Variants in DLG2 observed in about 807,000 individuals in gnomAD.
DLG2 encodes discs large MAGUK scaffold protein 2, also known as disks large homolog 2.
DLG2 carries 45 observed loss-of-function variants against 132.5 expected under a neutral mutation model. The observed-to-expected ratio is 0.34, with a 90% CI of 0.27 to 0.44. DLG2 has a LOEUF of 0.44. Among genes scored for constraint, DLG2 ranks in the 20% least tolerant of loss-of-function variants. DLG2 has a pLI of 1.00. For synonymous variants in DLG2, 424 were observed against 419.6 expected (o/e 1.01, Z -0.13); for missense variants, 1,045 against 1,196.9 (o/e 0.87, Z 1.87).
chr11:83,753,904 TTC>T (rs2093532718), intron 18 of DLG2, among the ~76,000 whole-genome samples: 1 of 126,048 alleles, frequency 7.9e-6, no homozygotes, highest in African/African-American at 3.3e-5. Context: ...ATATATATAT[TTC>T]ATATATATTT....
intron 6 of DLG2, among the ~76,000 whole-genome samples, chr11:84,894,757 C>T (rs1341826346): frequency 6.6e-6 from 1 of 152,114 alleles, no homozygotes; most frequent in Non-Finnish European, 1.5e-5. Context: ...CTAGTGCCTA[C>T]TGGGATAGAG....
At chr11:84,676,792 T>C (rs949558735) in intron 6 of DLG2, among the ~76,000 whole-genome samples, 1 of 151,950 alleles carries the variant, frequency 6.6e-6, no homozygotes, top group African/African-American at 2.4e-5. Context: ...TATACTGTAA[T>C]ATGTGCTCAA....
intron 19 of DLG2, among the ~76,000 whole-genome samples, chr11:83,618,553 TAG>T (rs2061177227): frequency 6.6e-6 from 1 of 152,148 alleles, no homozygotes; most frequent in African/African-American, 2.4e-5. Context: ...AGCGGAGGCC[TAG>T]AGGGAGAAGA....
At chr11:84,904,145 G>A (rs1431147178) in intron 6 of DLG2, among the ~76,000 whole-genome samples, 1 of 152,066 alleles carries the variant, frequency 6.6e-6, no homozygotes, top group Non-Finnish European at 1.5e-5. Flanking sequence ...CTTGATAAGA[G>A]TATAGAAATC....
At chr11:85,599,271 C>T (rs2079987197) in intron 2 of DLG2, among the ~76,000 whole-genome samples, 1 of 152,096 alleles carries the variant, frequency 6.6e-6, no homozygotes, top group Non-Finnish European at 1.5e-5. Context: ...TTCCTCTACA[C>T]GCATGCATGC....
intron 6 of DLG2, among the ~76,000 whole-genome samples, chr11:84,934,864 A>T (rs769924163): frequency 1.3e-5 from 2 of 151,294 alleles, no homozygotes; most frequent in Non-Finnish European, 2.9e-5. Flanking sequence ...TCTTATTATC[A>T]CTTCTGTGAT....
At chr11:84,365,873 A>C (rs2098679285) in intron 7 of DLG2, among the ~76,000 whole-genome samples, 1 of 152,054 alleles carries the variant, frequency 6.6e-6, no homozygotes, top group Non-Finnish European at 1.5e-5. Context: ...AATGGAACCA[A>C]GTTGGAAAAC....
At chr11:84,445,518 CT>C (rs929114675) in intron 7 of DLG2, among the ~76,000 whole-genome samples, 10 of 151,904 alleles carry the variant, frequency 6.6e-5, no homozygotes, top group African/African-American at 1.9e-4. Flanking sequence ...TGCATAAATA[CT>C]TTTTTTTGCC....
intron 7 of DLG2, among the ~76,000 whole-genome samples, chr11:84,377,929 A>T (rs1314313738): frequency 6.6e-6 from 1 of 152,186 alleles, no homozygotes; most frequent in African/African-American, 2.4e-5. Flanking sequence ...TAGGAACAAG[A>T]GACTTAGCCT....
intron 6 of DLG2, among the ~76,000 whole-genome samples, chr11:84,636,411 C>A (rs182987028): frequency 3.3e-5 from 5 of 152,148 alleles, no homozygotes; most frequent in Non-Finnish European, 5.9e-5. Context: ...ACCAGCTGTG[C>A]CTCCTTGGCC....
chr11:84,454,822 T>C (rs963822393), intron 7 of DLG2, among the ~76,000 whole-genome samples: 1 of 151,392 alleles, frequency 6.6e-6, no homozygotes, highest in Non-Finnish European at 1.5e-5. Flanking sequence ...AAGTGGTTGA[T>C]CAATGATAGG....
chr11:83,728,358 C>A (rs914410934), intron 18 of DLG2, among the ~76,000 whole-genome samples: 3 of 152,174 alleles, frequency 2.0e-5, no homozygotes, highest in African/African-American at 4.8e-5. Flanking sequence ...CTCTTCTCAC[C>A]ATCTTCTTCC....
chr11:84,841,846 AT>A (rs1301145632), intron 6 of DLG2, among the ~76,000 whole-genome samples: 1 of 151,864 alleles, frequency 6.6e-6, no homozygotes, highest in Non-Finnish European at 1.5e-5. Flanking sequence ...ATGCATCATA[AT>A]TTTTTTAACC....
At chr11:84,862,434 C>G (rs888538469) in intron 6 of DLG2, among the ~76,000 whole-genome samples, 23 of 151,838 alleles carry the variant, frequency 1.5e-4, no homozygotes, top group African/African-American at 5.6e-4. Context: ...GATCTAGAAC[C>G]AGAAATACCA....
At chr11:85,604,950 C>A (rs948650146) in intron 2 of DLG2, among the ~76,000 whole-genome samples, 1 of 152,106 alleles carries the variant, frequency 6.6e-6, no homozygotes, top group African/African-American at 2.4e-5. Context: ...TACATAAAAT[C>A]ATTTGCCATG....
intron 6 of DLG2, among the ~76,000 whole-genome samples, chr11:84,795,288 A>G (rs981857850): frequency 6.6e-6 from 1 of 150,972 alleles, no homozygotes; most frequent in Non-Finnish European, 1.5e-5. Flanking sequence ...GAGCTTCCCA[A>G]GGTGAGTCTC....
rs187991286 is a variant in DLG2 at position 84,499,120 on chromosome 11, G to A, written c.519+35450C>T. On this transcript the variant is annotated intron_variant, in intron 7 of 27. Transcript: ENST00000376104. Reference sequence around the variant, plus strand: ...TAACATCTTCCAAACATAATTAAGTGGTTAAGAGCTGAAGTAGGGAATATC... The same window carrying A: ...TAACATCTTCCAAACATAATTAAGTAGTTAAGAGCTGAAGTAGGGAATATC... 1.9e-3 allele frequency among the ~76,000 whole-genome samples: 288 copies of A among 152,280 alleles called. 1 individual carries two copies. Among genetic ancestry groups the A allele is most frequent in the Non-Finnish European group, 3.4e-3 (228 of 68,014 alleles).
At position 84,752,609 on chromosome 11, in the gene DLG2, G is replaced by A. The variant is rs2066295400; in HGVS notation, c.358-217878C>T. Among the ~76,000 whole-genome samples the A allele has an allele frequency of 5.3e-5, 7 of 133,218 alleles. No individual in the cohort carries two copies. In the Admixed American group the frequency reaches 5.6e-4, roughly 11 times the overall value. 87.4% of individuals were successfully genotyped at this position (133,218 alleles called of 152,430 possible). On this transcript the variant is annotated intron_variant, in intron 6 of 27. Transcript: ENST00000376104. ...ATACTTTAAGTTTTAGGGTACATGT[G>A]CACATTGTGCAGGTTAGTTACATAT... is the stretch of plus-strand genomic sequence containing the variant.
intron 3 of DLG2, among the ~76,000 whole-genome samples, chr11:85,481,519 G>T (rs2093289152): frequency 6.6e-6 from 1 of 152,120 alleles, no homozygotes; most frequent in African/African-American, 2.4e-5. Flanking sequence ...CCTTCCACTT[G>T]AGAGAAGGAG....
Sources: allele counts gnomAD v4.1 joint callset (sites outside exome capture counted in the v4.1 genomes callset), GRCh38; gene constraint gnomAD v4.1.1; transcripts MANE v1.5; gene names NCBI Gene and HGNC (gene_info 2026-07-23, HGNC 2026-07-21).